Variants in RNF149 observed in about 807,000 individuals in gnomAD.
RNF149 encodes ring finger protein 149, also known as E3 ubiquitin-protein ligase RNF149.
A neutral mutation model predicts 39.0 loss-of-function variants in RNF149; 21 were observed. That is an observed-to-expected ratio of 0.54 (90% CI 0.38 to 0.77). The LOEUF (loss-of-function observed/expected upper bound fraction) is 0.77, where lower values mean the gene tolerates loss of function less well. Ranked by LOEUF, RNF149 falls within the 30% of genes least tolerant of loss-of-function variation. The pLI is 0.00. For missense variants in RNF149, 493 were observed against 534.9 expected (o/e 0.92, Z 0.77); for synonymous variants, 209 against 213.6 (o/e 0.98, Z 0.19).
intron 6 of RNF149, among the ~76,000 whole-genome samples, chr2:101,278,154 TTTC>T (rs769253964): frequency 3.0e-4 from 45 of 152,296 alleles, no homozygotes; most frequent in Non-Finnish European, 5.0e-4. Flanking sequence ...TCTTTTTTCT[TTTC>T]TTTTTTGATA....
In RNF149 at chr2:101,289,043, C is replaced by T. The variant is rs1682902104; in HGVS notation, c.793G>A (p.Asp265Asn). The part of the protein sequence containing the change: ...VKHGEKGIDV[D>N]AENCAVCIEN... ...ATACACACTGCACAATTTTCAGCAT[C>T]AACATCAATTCCCTGTAAAAAGAAA... Residue 265 changes from aspartate to asparagine, a missense_variant, in exon 4 of 7, where the codon GAT becomes AAT. By Grantham distance (23) the Asp-to-Asn change is conservative. Transcript: ENST00000295317. The T allele has an allele frequency of 1.9e-6, 3 of 1,586,952 alleles. No homozygotes were observed. Among genetic ancestry groups the T allele is most frequent in the Non-Finnish European group, 2.6e-6 (3 of 1,156,752 alleles).
At chr2:101,293,738 G>T (rs1435212446) in intron 3 of RNF149, among the ~76,000 whole-genome samples, 1 of 152,136 alleles carries the variant, frequency 6.6e-6, no homozygotes, top group African/African-American at 2.4e-5. Context: ...TACCACTTTC[G>T]TCACTGCTGG....
rs750725766 is a variant in RNF149, at chr2:101,308,277, T to G, written c.312A>C (p.Arg104=). 6.3e-6 allele frequency: 10 copies of G among 1,577,772 alleles called. No homozygotes were observed. The East Asian group carries it at 2.4e-4, about 37-fold the overall frequency. The change falls in exon 1 of 7, where the codon CGA becomes CGC. Residue 104 remains arginine, a synonymous_variant. Coordinates refer to ENST00000295317, the MANE Select transcript of RNF149 (RefSeq NM_173647.4). ...CCAGGGCGACCCAGGGCGCGGCCCCTCGGCCGCCGGGCTCGGGCACGAAGA... is the reference window on the plus strand; with the variant it reads ...CCAGGGCGACCCAGGGCGCGGCCCCGCGGCCGCCGGGCTCGGGCACGAAGA... ...TRFFVPEPGG[R]GAAPWVALVA...
chr2:101,293,137 T>TA lies in RNF149; in HGVS notation c.780+876dup, dbSNP rs879269387. ...AGTCTCATTAGTATTAATTCCAAAT[T>TA]AAAAAAAAAAAAATCAAAAGTCTGT... is the stretch of plus-strand genomic sequence containing the variant. On this transcript the variant is annotated intron_variant, in intron 3 of 6. Transcript: ENST00000295317. Among the ~76,000 whole-genome samples the TA allele has an allele frequency of 7.3e-3, 1,054 of 144,400 alleles. 7 individuals carry two copies. Among genetic ancestry groups the TA allele is most frequent in the African/African-American group, 0.024 (956 of 39,432 alleles). 94.7% of individuals were successfully genotyped at this position (144,400 alleles called of 152,430 possible). A position where few individuals can be genotyped will look rare whatever the true frequency, so the allele number is the denominator to read the frequency against.
In RNF149 at chr2:101,308,339, C is replaced by T. The variant is rs1683765219; in HGVS notation, c.250G>A (p.Gly84Ser). The change falls in exon 1 of 7, where the codon GGC (glycine) becomes AGC (serine). Residue 84 changes from glycine to serine, a missense_variant. Transcript: ENST00000295317. ...GGCGCGCAGCCCTCGAGGTCTCCGC[C>T]GGGCGCCCACGGGACGCCCACCAGG... ...HGLVGVPWAP[G>S]GDLEGCAPDT... 2 of 1,598,388 alleles carry T rather than the reference C, an allele frequency of 1.3e-6. No individual in the cohort carries two copies. The highest frequency in any genetic ancestry group is 1.7e-5 in the Admixed American group (1 of 59,032).
downstream of RNF149, chr2:101,273,476 C>CTTTT (rs937334137): frequency 2.3e-3 from 808 of 350,584 alleles, 8 homozygotes; most frequent in African/African-American, 0.018. Context: ...ATATTTGTTT[C>CTTTT]TTTTTTTTTT....
intron 6 of RNF149, among the ~76,000 whole-genome samples, chr2:101,278,171 G>T (rs1682422039): frequency 6.6e-6 from 1 of 150,888 alleles, no homozygotes; most frequent in African/African-American, 2.4e-5. Flanking sequence ...TTTGATATAG[G>T]GTCTCACTCT....
At position 101,285,953 on chromosome 2, in the gene RNF149, T is replaced by A; in HGVS notation, c.960+128A>T. 3 of 561,382 alleles carry A rather than the reference T, an allele frequency of 5.3e-6. No individual in the cohort carries two copies. The South Asian group carries it at 8.2e-5, about 15-fold the overall frequency. 34.8% of individuals were successfully genotyped at this position (561,382 alleles called of 1,614,324 possible). A position where few individuals can be genotyped will look rare whatever the true frequency, so the allele number is the denominator to read the frequency against. On this transcript the variant is annotated intron_variant, in intron 5 of 6. Transcript: ENST00000295317. Reference sequence around the variant, plus strand: ...AACTCATTTTTAATAATGAGGAAAATTTCTTCAGAGAACTACAAGGATATT... The same window carrying A: ...AACTCATTTTTAATAATGAGGAAAAATTCTTCAGAGAACTACAAGGATATT...
chr2:101,275,465 G>A (rs1301775124), downstream of RNF149, among the ~76,000 whole-genome samples: 2 of 80,594 alleles, frequency 2.5e-5, no homozygotes, highest in Admixed American at 1.7e-4. Flanking sequence ...TTTTTGAGAC[G>A]GAGTCTCGCT....
chr2:101,307,903 C>G (rs892685899), intron 1 of RNF149: 1 of 985,420 alleles, frequency 1.0e-6, no homozygotes, highest in Non-Finnish European at 1.2e-6. Context: ...TTCACCTCAT[C>G]GATCAAAGGC....
In RNF149 at chr2:101,285,168, G is replaced by C. The variant is rs137944991; in HGVS notation, c.960+913C>G. On this transcript the variant is annotated intron_variant, in intron 5 of 6. Transcript: ENST00000295317. ...CCGCCTCAGCCTCCCTAAGTGCCGGGATTACAGGTATGAGCCACCAAGTCC... is the reference window on the plus strand; with the variant it reads ...CCGCCTCAGCCTCCCTAAGTGCCGGCATTACAGGTATGAGCCACCAAGTCC... Among the ~76,000 whole-genome samples, 546 of 152,172 alleles carry C rather than the reference G, an allele frequency of 3.6e-3. 4 individuals carry two copies. Among genetic ancestry groups the C allele is most frequent in the Non-Finnish European group, 5.2e-3 (351 of 68,028 alleles).
chr2:101,287,262 T>C (rs748295283), intron 4 of RNF149, among the ~76,000 whole-genome samples: 2 of 152,026 alleles, frequency 1.3e-5, no homozygotes, highest in African/African-American at 2.4e-5. Context: ...ATGGAGGTTG[T>C]AGTGAGCCAA....
intron 6 of RNF149, among the ~76,000 whole-genome samples, chr2:101,278,479 T>C (rs1682436003): frequency 1.3e-5 from 2 of 152,152 alleles, no homozygotes; most frequent in Non-Finnish European, 2.9e-5. Flanking sequence ...ACATAAGTAA[T>C]CTCATAAAAT....
rs1448399684 is a variant in RNF149, at chr2:101,307,937, C to T, written c.460+192G>A. ...GCGAAGATCACATCTTGTCCGCAGA[C>T]TTACCTCCCTCCCAACAGCGATCGG... On this transcript the variant is annotated intron_variant, in intron 1 of 6. Transcript: ENST00000295317. The T allele has an allele frequency of 6.1e-6, 6 of 985,358 alleles. No homozygotes were observed. The Admixed American group carries it at 2.5e-4, about 40-fold the overall frequency. The allele number at this position is 985,358 out of a possible 1,614,324, so 61.0% of individuals were successfully genotyped here. A position where few individuals can be genotyped will look rare whatever the true frequency, so the allele number is the denominator to read the frequency against.
chr2:101,291,312 A>C (rs1209627858), intron 3 of RNF149, among the ~76,000 whole-genome samples: 1 of 151,994 alleles, frequency 6.6e-6, no homozygotes, highest in Non-Finnish European at 1.5e-5. Context: ...CACCATGCCC[A>C]GCTAATTTTT....
In RNF149 at chr2:101,284,110, A is replaced by G. The variant is rs1459344439; in HGVS notation, c.960+1971T>C. 2.6e-5 allele frequency among the ~76,000 whole-genome samples: 4 copies of G among 152,226 alleles called. No individual in the cohort carries two copies. In the East Asian group the frequency reaches 7.7e-4, roughly 29 times the overall value. ...GTTCATTAAGAAAGCATGTTATGCC[A>G]TGCTAATCATAGCTACAATTACTGA... On this transcript the variant is annotated intron_variant, in intron 5 of 6. Coordinates refer to ENST00000295317, the MANE Select transcript of RNF149 (RefSeq NM_173647.4).
chr2:101,272,912 T>C (rs764513993), downstream of RNF149: 1 of 1,340,136 alleles, frequency 7.5e-7, no homozygotes, highest in South Asian at 1.1e-5. Flanking sequence ...ACAGCTCCCA[T>C]GGCATGAAGC....
At position 101,275,663 on chromosome 2, in the gene RNF149, G is replaced by C. The variant is rs1239145565; in HGVS notation, c.*1575C>G. Reference sequence around the variant, plus strand: ...TCACCGTTTTAGCCGGGATGGTCTCGATCTCCTGACCTCGTGATCCGCCCG... The same window carrying C: ...TCACCGTTTTAGCCGGGATGGTCTCCATCTCCTGACCTCGTGATCCGCCCG... On this transcript the variant is annotated 3_prime_UTR_variant, in exon 7 of 7. Coordinates refer to ENST00000295317, the MANE Select transcript of RNF149 (RefSeq NM_173647.4). The C allele has an allele frequency of 5.1e-6, 1 of 195,628 alleles. No individual in the cohort carries two copies. Among genetic ancestry groups the C allele is most frequent in the Admixed American group, 6.8e-5 (1 of 14,782 alleles). The allele number at this position is 195,628 out of a possible 1,614,324, so 12.1% of individuals were successfully genotyped here.
intron 2 of RNF149, 176 bp downstream of exon 2, chr2:101,294,755 A>G: frequency 1.6e-6 from 1 of 612,202 alleles, no homozygotes; most frequent in Non-Finnish European, 2.8e-6. Flanking sequence ...ATTTCCCACA[A>G]AACAAAAAAT....
Sources: allele counts gnomAD v4.1 joint callset (sites outside exome capture counted in the v4.1 genomes callset), GRCh38; gene constraint gnomAD v4.1.1; transcripts MANE v1.5; gene names NCBI Gene and HGNC (gene_info 2026-07-23, HGNC 2026-07-21).